Variants in EIF5B observed in about 807,000 individuals in gnomAD.
The protein encoded by EIF5B is eukaryotic translation initiation factor 5B.
A neutral mutation model predicts 147.5 loss-of-function variants in EIF5B; 47 were observed. That is an observed-to-expected ratio of 0.32 (90% CI 0.25 to 0.41). The LOEUF is 0.41. EIF5B is among the 10% of genes least tolerant of loss of function. EIF5B has a pLI of 1.00. For synonymous variants in EIF5B, 455 were observed against 456.2 expected (o/e 1.00, Z 0.03); for missense variants, 1,064 against 1,413.2 (o/e 0.75, Z 3.96).
chr2:99,377,725 C>T (rs190367400), intron 10 of EIF5B, among the ~76,000 whole-genome samples: 13 of 152,016 alleles, frequency 8.6e-5, no homozygotes, highest in Admixed American at 8.5e-4. Context: ...AAATAAAGGC[C>T]CTAGCCCCCA....
At chr2:99,384,145 C>T (rs1237069142) in intron 14 of EIF5B, among the ~76,000 whole-genome samples, 3 of 146,190 alleles carry the variant, frequency 2.1e-5, no homozygotes, top group Non-Finnish European at 3.0e-5. Flanking sequence ...TGCAGTGAGC[C>T]GAGATCGCGC....
chr2:99,359,032 T>G (rs1674149785), intron 1 of EIF5B, among the ~76,000 whole-genome samples: 1 of 152,150 alleles, frequency 6.6e-6, no homozygotes, highest in African/African-American at 2.4e-5. Flanking sequence ...TTTAATTATA[T>G]TTATAATATG....
rs1426782784 is a variant in EIF5B, at chr2:99,379,036, T to C, written c.1860T>C (p.His620=). The change falls in exon 11 of 24, where the codon CAT becomes CAC. Residue 620 remains histidine, a synonymous_variant. Coordinates refer to ENST00000289371, the MANE Select transcript of EIF5B (RefSeq NM_015904.4). ...KRRIEKRRLE[H]SKNVNTEKLR... ...ATTTCTAGAAACGGCGACTTGAACA[T>C]AGTAAAAATGTAAACACCGAAAAGC... 3 of 1,569,858 alleles carry C rather than the reference T, an allele frequency of 1.9e-6. No homozygotes were observed. Among genetic ancestry groups the C allele is most frequent in the African/African-American group, 1.4e-5 (1 of 72,652 alleles).
chr2:99,371,873 C>G, intron 9 of EIF5B, 143 bp downstream of exon 9: 1 of 672,852 alleles, frequency 1.5e-6, no homozygotes, highest in Non-Finnish European at 2.2e-6. Flanking sequence ...TCTCCTTTGC[C>G]ATGGTTTCTA....
intron 22 of EIF5B, chr2:99,397,445 T>C (rs1374447471): frequency 6.6e-6 from 1 of 152,232 alleles, no homozygotes. Context: ...TGCATTGCAC[T>C]GGGGCTTGTT....
chr2:99,351,593 G>C (rs1673963089), intron 1 of EIF5B, among the ~76,000 whole-genome samples: 1 of 152,102 alleles, frequency 6.6e-6, no homozygotes, highest in Admixed American at 6.5e-5. Context: ...GGATGTATGT[G>C]CTCCAGTTAC....
In EIF5B at chr2:99,379,509, A is replaced by G. The variant is rs534956240; in HGVS notation, c.2061+81A>G. The G allele has an allele frequency of 6.3e-5, 69 of 1,099,034 alleles. No homozygotes were observed. The East Asian group carries it at 1.7e-3, about 27-fold the overall frequency. The allele number at this position is 1,099,034 out of a possible 1,614,324, so 68.1% of individuals were successfully genotyped here. A position where few individuals can be genotyped will look rare whatever the true frequency, so the allele number is the denominator to read the frequency against. Reference sequence around the variant, plus strand: ...TATTTCAAACATAGAAAAAGGACAGAGACTAGGATAACAGCTCCATATACT... The same window carrying G: ...TATTTCAAACATAGAAAAAGGACAGGGACTAGGATAACAGCTCCATATACT... On this transcript the variant is annotated intron_variant, in intron 12 of 23. Transcript: ENST00000289371.
rs1675354295 is a variant in EIF5B, at chr2:99,401,244, T to G, written c.*1830T>G. 1 of 1,593,012 alleles carries G rather than the reference T, an allele frequency of 6.3e-7. No individual in the cohort carries two copies. The highest frequency in any genetic ancestry group is 8.6e-7 in the Non-Finnish European group (1 of 1,161,150). On this transcript the variant is annotated 3_prime_UTR_variant, in exon 24 of 24. Transcript: ENST00000289371. ...GCATCAGGCTCTCTGGTAATATTTA[T>G]GTAACTTTTAATGTGCTTCCATAAG...
Position 99,341,814 on chromosome 2 carries a change from G to A in EIF5B, c.35+4225G>A, listed in dbSNP as rs535706107. Among the ~76,000 whole-genome samples the A allele has an allele frequency of 7.2e-5, 11 of 152,224 alleles. No homozygotes were observed. The South Asian group carries it at 1.0e-3, about 14-fold the overall frequency. ...ATTTTCAAAAATAGAAGAGCTAAGC[G>A]TTTTTGCAAACATCTTCACTATTAT... On this transcript the variant is annotated intron_variant, in intron 1 of 23. Transcript: ENST00000289371.
chr2:99,365,498 C>T (rs1394181080), intron 6 of EIF5B, among the ~76,000 whole-genome samples: 4 of 152,124 alleles, frequency 2.6e-5, no homozygotes, highest in Non-Finnish European at 5.9e-5. Flanking sequence ...TAGGTACAAA[C>T]TTGAATATAG....
At chr2:99,382,123 TTTCTTA>T (rs1457897308) in intron 12 of EIF5B, 30 bp from the exon 13 acceptor site, 4 of 1,582,656 alleles carry the variant, frequency 2.5e-6, no homozygotes, top group Non-Finnish European at 3.5e-6. Flanking sequence ...CATGTCTGAC[TTTCTTA>T]AACTTTGAAC....
chr2:99,353,005 C>CTTTTGTTTTTTTTTTTT, intron 1 of EIF5B, among the ~76,000 whole-genome samples: 1 of 62,850 alleles, frequency 1.6e-5, no homozygotes, highest in Non-Finnish European at 2.7e-5. Context: ...TCTTCTTCTT[C>CTTTTGTTTTTTTTTTTT]TTTTTTTTTT....
chr2:99,361,475 G>A lies in EIF5B; in HGVS notation c.574G>A (p.Glu192Lys), dbSNP rs765722976. 6.8e-6 allele frequency: 11 copies of A among 1,613,742 alleles called. No homozygotes were observed. The highest frequency in any genetic ancestry group is 6.7e-5 in the Admixed American group (4 of 59,952). Residue 192 changes from glutamate to lysine, a missense_variant, in exon 4 of 24, where the codon GAA (glutamate) becomes AAA (lysine). This residue lies in a region of EIF5B where 458 missense variants were observed against 451.3 expected (regional missense o/e 1.01). Transcript: ENST00000289371. ...TGGTGAAAGTGGTGATGAATCAGATGAATTTTTGCAATCTAGAAAAGGACA... is the reference window on the plus strand; with the variant it reads ...TGGTGAAAGTGGTGATGAATCAGATAAATTTTTGCAATCTAGAAAAGGACA... Reference protein sequence around the residue: ...SSGESGDESDEFLQSRKGQKK... With the variant: ...SSGESGDESDKFLQSRKGQKK...
intron 1 of EIF5B, among the ~76,000 whole-genome samples, chr2:99,357,195 C>T (rs1465861175): frequency 6.6e-6 from 1 of 152,096 alleles, no homozygotes; most frequent in Non-Finnish European, 1.5e-5. Context: ...CAGCTTTGTT[C>T]TTCAGTATTA....
In EIF5B at chr2:99,379,347, A is replaced by G; in HGVS notation, c.1980A>G (p.Glu660=). 6.2e-7 allele frequency: 1 copy of G among 1,613,756 alleles called. No individual in the cohort carries two copies. Among genetic ancestry groups the G allele is most frequent in the East Asian group, 2.2e-5 (1 of 44,862 alleles). ...GTCACACACATGTACAAGATGGTGA[A>G]GCAGGTGGTATCACACAACAAATTG... The part of the protein sequence containing the change: ...KLRHTHVQDG[E]AGGITQQIGA... Residue 660 remains glutamate, a synonymous_variant, in exon 12 of 24, where the codon GAA becomes GAG. Coordinates refer to ENST00000289371, the MANE Select transcript of EIF5B (RefSeq NM_015904.4).
At position 99,361,392 on chromosome 2, in the gene EIF5B, C is replaced by A; in HGVS notation, c.491C>A (p.Ser164Ter). Residue 164 changes from serine to a stop codon, truncating the protein, a stop_gained, in exon 4 of 24, where the codon TCA becomes TAA. Coordinates refer to ENST00000289371, the MANE Select transcript of EIF5B (RefSeq NM_015904.4). LOFTEE classifies it high-confidence loss of function. ...AAATCAAATAAGAAGTGGGATGGGT[C>A]AGAGGAGGATGAGGATAACAGTAAA... ...AQKSNKKWDGSEEDEDNSKKI... is the reference protein window; with the variant it reads ...AQKSNKKWDG 6.2e-7 allele frequency: 1 copy of A among 1,613,528 alleles called. No individual in the cohort carries two copies. Among genetic ancestry groups the A allele is most frequent in the South Asian group, 1.1e-5 (1 of 91,026 alleles).
Position 99,360,500 on chromosome 2 carries a change from C to T in EIF5B, c.197C>T (p.Ser66Phe), listed in dbSNP as rs1441733760. The stretch of plus-strand genomic sequence containing the variant: ...ATCCTGAAAGAACTGGAAGAATTGT[C>T]TTTGGAAGCTCAAGGCATCAAAGCT... ...DDILKELEEL[S>F]LEAQGIKADR... is the part of the protein sequence containing the mutation. Residue 66 changes from serine (S) to phenylalanine (F), a missense_variant, in exon 3 of 24, where the codon TCT (serine) becomes TTT (phenylalanine). Ser to Phe is a radical substitution (Grantham distance 155). Transcript: ENST00000289371. The T allele has an allele frequency of 3.7e-6, 6 of 1,613,720 alleles. No homozygotes were observed. Among genetic ancestry groups the T allele is most frequent in the Admixed American group, 1.7e-5 (1 of 59,960 alleles).
At chr2:99,363,560 C>A in intron 4 of EIF5B, 85 bp from the exon 5 acceptor site, 1 of 1,386,112 alleles carries the variant, frequency 7.2e-7, no homozygotes, top group Non-Finnish European at 9.8e-7. Context: ...CATTATGGTC[C>A]TTGAATTGTG....
chr2:99,385,724 CA>C (rs1485846731), intron 14 of EIF5B, among the ~76,000 whole-genome samples: 1 of 152,194 alleles, frequency 6.6e-6, no homozygotes, highest in East Asian at 1.9e-4. Flanking sequence ...TGTCTGAAAC[CA>C]AACCTGCAGT....
Sources: allele counts gnomAD v4.1 joint callset (sites outside exome capture counted in the v4.1 genomes callset), GRCh38; gene constraint gnomAD v4.1.1; regional missense constraint gnomAD v4.1.1; transcripts MANE v1.5; gene names NCBI Gene and HGNC (gene_info 2026-07-23, HGNC 2026-07-21).